SLCO1B1: variants seen among roughly 807,000 people sequenced by gnomAD.
The protein encoded by SLCO1B1 is OATP-2.
SLCO1B1 carries 81 observed loss-of-function variants against 70.1 expected under a neutral mutation model. That is an observed-to-expected ratio of 1.16 (90% confidence interval 0.97 to 1.39). The LOEUF (loss-of-function observed/expected upper bound fraction) is 1.39. Ranked by LOEUF, SLCO1B1 falls within the 40% of genes most tolerant of loss-of-function variation. The pLI is 0.00. For missense variants in SLCO1B1, 895 were observed against 799.6 expected, an observed-to-expected ratio of 1.12 and a Z score of -1.44; for synonymous variants, 283 against 271.5, an observed-to-expected ratio of 1.04 and a Z score of -0.42.
intron 1 of SLCO1B1, among the ~76,000 whole-genome samples, chr12:21,136,582 C>T (rs527669209): frequency 7.2e-5 from 11 of 152,262 alleles, no homozygotes; most frequent in South Asian, 4.1e-4. Context: ...TCATTCATTT[C>T]GTCTTCCATC....
intron 2 of SLCO1B1, among the ~76,000 whole-genome samples, chr12:21,145,066 T>G (rs1402183795): frequency 6.6e-6 from 1 of 152,178 alleles, no homozygotes; most frequent in Non-Finnish European, 1.5e-5. Context: ...ATATCAGTAT[T>G]AATCTTGAAT....
chr12:21,178,439 G>T, intron 5 of SLCO1B1, 137 bp from the exon 6 acceptor site: 1 of 651,010 alleles, frequency 1.5e-6, no homozygotes, highest in Non-Finnish European at 2.6e-6. Flanking sequence ...GTCAAAGTTT[G>T]CAAAGTGAAT....
rs192411371 is a variant in SLCO1B1 at position 21,140,202 on chromosome 12, C to G, written c.-61-1312C>G. On this transcript the variant is annotated intron_variant, in intron 1 of 14. Coordinates refer to ENST00000256958, the MANE Select transcript of SLCO1B1 (RefSeq NM_006446.5). ...TTCCCAGCAACTTTATAAAACATAA[C>G]TACTGCAACAAGTATCAACTGTACA... 6.6e-5 allele frequency among the ~76,000 whole-genome samples: 10 copies of G among 152,118 alleles called. No homozygotes were observed. In the East Asian group the frequency reaches 1.7e-3, roughly 26 times the overall value.
At chr12:21,140,589 T>C (rs1940294765) in intron 1 of SLCO1B1, among the ~76,000 whole-genome samples, 2 of 151,994 alleles carry the variant, frequency 1.3e-5, no homozygotes, top group South Asian at 4.1e-4. Context: ...ATGAAATGAT[T>C]AGATACAACC....
rs1940800035 is a variant in SLCO1B1 at position 21,174,839 on chromosome 12, A to G, written c.359+130A>G. On this transcript the variant is annotated intron_variant, in intron 4 of 14. Transcript: ENST00000256958. ...AAGATACCCACTAAGTGTGTACAGA[A>G]ATGAAATAGTGTCTATTTGTCTACA... 60 of 837,170 alleles carry G rather than the reference A, an allele frequency of 7.2e-5. 1 individual carries two copies. In the South Asian group the frequency reaches 8.5e-4, roughly 12 times the overall value. The allele number at this position is 837,170 out of a possible 1,614,324, so 51.9% of individuals were successfully genotyped here.
intron 2 of SLCO1B1, among the ~76,000 whole-genome samples, chr12:21,156,253 C>G (rs1940541132): frequency 1.3e-5 from 2 of 151,934 alleles, no homozygotes; most frequent in Non-Finnish European, 2.9e-5. Flanking sequence ...ATGTCAAAGT[C>G]TATGATTTTG....
intron 14 of SLCO1B1, among the ~76,000 whole-genome samples, chr12:21,231,202 T>C (rs943648310): frequency 1.3e-5 from 2 of 152,136 alleles, no homozygotes; most frequent in African/African-American, 4.8e-5. Flanking sequence ...ATGTGCTACA[T>C]TTTCTTAATC....
chr12:21,192,786 A>C lies in SLCO1B1; in HGVS notation c.728-4160A>C, dbSNP rs1591815636. 2.0e-5 allele frequency among the ~76,000 whole-genome samples: 3 copies of C among 152,170 alleles called. 1 individual carries two copies. In the South Asian group the frequency reaches 6.2e-4, roughly 32 times the overall value. On this transcript the variant is annotated intron_variant, in intron 7 of 14. Coordinates refer to ENST00000256958, the MANE Select transcript of SLCO1B1 (RefSeq NM_006446.5). ...TGCTACTAGTGACCATAAATTAGAGAAATAACCTATGTTTTTTGGATATGG... is the reference window on the plus strand; with the variant it reads ...TGCTACTAGTGACCATAAATTAGAGCAATAACCTATGTTTTTTGGATATGG...
At chr12:21,213,329 A>C (rs1277574528) in intron 11 of SLCO1B1, among the ~76,000 whole-genome samples, 5 of 151,878 alleles carry the variant, frequency 3.3e-5, no homozygotes, top group African/African-American at 4.8e-5. Context: ...TATGAAGCTT[A>C]GTTTGGCTGG....
In SLCO1B1 at chr12:21,239,320, A is replaced by G. The variant is rs778960544; in HGVS notation, c.*131A>G. 15 of 755,456 alleles carry G rather than the reference A, an allele frequency of 2.0e-5. No homozygotes were observed. The highest frequency in any genetic ancestry group is 1.3e-4 in the East Asian group (5 of 39,666). The allele number at this position is 755,456 out of a possible 1,614,324, so 46.8% of individuals were successfully genotyped here. ...CACATCTTTTATGGTGGAAGTATAA[A>G]TAAGCCTATGAACTTATAATAAAAC... On this transcript the variant is annotated 3_prime_UTR_variant, in exon 15 of 15. Coordinates refer to ENST00000256958, the MANE Select transcript of SLCO1B1 (RefSeq NM_006446.5).
intron 14 of SLCO1B1, among the ~76,000 whole-genome samples, chr12:21,238,531 A>G (rs1941616976): frequency 6.6e-6 from 1 of 151,704 alleles, no homozygotes; most frequent in African/African-American, 2.4e-5. Flanking sequence ...AGCATAATGC[A>G]TTAGGTAAAA....
chr12:21,132,697 A>T (rs529353350), intron 1 of SLCO1B1, among the ~76,000 whole-genome samples: 193 of 151,852 alleles, frequency 1.3e-3, no homozygotes, highest in African/African-American at 4.4e-3. Context: ...GTCTTTTGTA[A>T]ATTTGTTTGA....
At chr12:21,189,730 T>C (rs922627030) in intron 7 of SLCO1B1, among the ~76,000 whole-genome samples, 5 of 152,112 alleles carry the variant, frequency 3.3e-5, no homozygotes, top group Non-Finnish European at 7.4e-5. Flanking sequence ...TTACAGGTTA[T>C]CAGCCACTGA....
intron 2 of SLCO1B1, among the ~76,000 whole-genome samples, chr12:21,151,602 G>A (rs1224966745): frequency 1.3e-5 from 2 of 151,934 alleles, no homozygotes; most frequent in Non-Finnish European, 1.5e-5. Context: ...CTCCTCCAAT[G>A]TTTTCCTTGC....
intron 12 of SLCO1B1, among the ~76,000 whole-genome samples, chr12:21,219,842 C>A (rs915021611): frequency 2.4e-5 from 1 of 41,380 alleles, no homozygotes; most frequent in African/African-American, 9.7e-5. Context: ...ATTGCTGCAA[C>A]CCTCCGCCTC....
intron 11 of SLCO1B1, among the ~76,000 whole-genome samples, chr12:21,214,725 C>G (rs924057721): frequency 6.6e-6 from 1 of 152,142 alleles, no homozygotes; most frequent in Non-Finnish European, 1.5e-5. Context: ...ACTCCATGGG[C>G]GTAGGACCCT....
chr12:21,178,809 C>T, intron 6 of SLCO1B1, 87 bp downstream of exon 6: 1 of 1,384,970 alleles, frequency 7.2e-7, no homozygotes, highest in Non-Finnish European at 1.0e-6. Flanking sequence ...ATTATTTTAC[C>T]TATTAGAACA....
intron 4 of SLCO1B1, among the ~76,000 whole-genome samples, chr12:21,175,714 T>C (rs1434166798): frequency 2.0e-5 from 3 of 152,128 alleles, no homozygotes; most frequent in Admixed American, 1.3e-4. Flanking sequence ...TCATTTTCTA[T>C]CTTTGTGTCT....
At chr12:21,213,040 A>C (rs1029638444) in intron 11 of SLCO1B1, among the ~76,000 whole-genome samples, 32 of 151,598 alleles carry the variant, frequency 2.1e-4, no homozygotes, top group South Asian at 4.2e-4. Flanking sequence ...TGTGTCTTTT[A>C]ATTGGAGCAT....
Sources: allele counts gnomAD v4.1 joint callset (sites outside exome capture counted in the v4.1 genomes callset), GRCh38; gene constraint gnomAD v4.1.1; transcripts MANE v1.5; gene names NCBI Gene and HGNC (gene_info 2026-07-23, HGNC 2026-07-21).